The following ABCC5 variants were observed in gnomAD, a reference collection of about 807,000 sequenced individuals.
ABCC5 encodes the protein ATP binding cassette subfamily C member 5.
A neutral mutation model predicts 160.9 loss-of-function variants in ABCC5; 61 were observed. The observed-to-expected ratio is 0.38, with a 90% confidence interval of 0.31 to 0.47. The LOEUF (loss-of-function observed/expected upper bound fraction) is 0.47, where lower values mean the gene tolerates loss of function less well. Among genes scored for constraint, ABCC5 ranks in the 20% least tolerant of loss-of-function variants. ABCC5 has a pLI of 0.99. For missense variants in ABCC5, 1,308 were observed against 1,813.3 expected, an observed-to-expected ratio of 0.72 and a Z score of 5.06; for synonymous variants, 666 against 700.6, an observed-to-expected ratio of 0.95 and a Z score of 0.78.
chr3:183,924,211 C>T (rs1202068499), intron 29 of ABCC5, among the ~76,000 whole-genome samples: 1 of 151,872 alleles, frequency 6.6e-6, no homozygotes, highest in Admixed American at 6.6e-5. Context: ...GTAGAGACGG[C>T]GTTTCGTCAT....
At position 183,927,445 on chromosome 3, in the gene ABCC5, T is replaced by TA. The variant is rs1412977618; in HGVS notation, c.3934-3dup. The TA allele has an allele frequency of 6.2e-6, 10 of 1,610,540 alleles. No homozygotes were observed. Among genetic ancestry groups the TA allele is most frequent in the Admixed American group, 1.7e-5 (1 of 59,728 alleles). On this transcript the variant is annotated splice_polypyrimidine_tract_variant and splice_region_variant and intron_variant, in intron 27 of 29. Transcript: ENST00000334444. ...AAGTTTCAGAGGTAGCTGAGCAATC[T>TA]AGGGAGAAAGAAACTAGAGATCAGA...
intron 10 of ABCC5, among the ~76,000 whole-genome samples, chr3:183,977,242 G>A (rs1048834912): frequency 1.3e-5 from 2 of 152,244 alleles, no homozygotes; most frequent in Non-Finnish European, 2.9e-5. Flanking sequence ...AGGCCCAGGT[G>A]GAAGGGGCTA....
intron 27 of ABCC5, chr3:183,928,020 C>T (rs998817678): frequency 1.2e-5 from 2 of 160,232 alleles, no homozygotes; most frequent in Non-Finnish European, 2.7e-5. Flanking sequence ...TCGTGAGGGC[C>T]TGTGAGGGCC....
At chr3:183,984,497 T>G (rs1280931998) in intron 5 of ABCC5, 3 of 1,076,732 alleles carry the variant, frequency 2.8e-6, no homozygotes, top group African/African-American at 1.7e-5. Context: ...AAACCCAGAC[T>G]CTCTCTGGGT....
intron 22 of ABCC5, among the ~76,000 whole-genome samples, chr3:183,948,355 GT>G (rs555878221): frequency 1.7e-3 from 260 of 152,220 alleles, no homozygotes; most frequent in African/African-American, 6.1e-3. Flanking sequence ...CCTCCCAGCA[GT>G]TTTTTTCAAT....
At chr3:184,016,648 G>A (rs1722216934) in intron 1 of ABCC5, among the ~76,000 whole-genome samples, 1 of 152,166 alleles carries the variant, frequency 6.6e-6, no homozygotes, top group Non-Finnish European at 1.5e-5. Flanking sequence ...CAGCTATCAA[G>A]AGAGGAAGAA....
At chr3:183,940,169 T>G (rs981037435) in intron 25 of ABCC5, among the ~76,000 whole-genome samples, 20 of 151,970 alleles carry the variant, frequency 1.3e-4, no homozygotes, top group Admixed American at 1.2e-3. Context: ...GGAAACCTGG[T>G]CCGTCTAGCA....
chr3:183,979,901 A>C (rs1169321738), intron 8 of ABCC5, among the ~76,000 whole-genome samples: 1 of 145,524 alleles, frequency 6.9e-6, no homozygotes, highest in Non-Finnish European at 1.5e-5. Flanking sequence ...TTAAGACGGG[A>C]GTCTCACTCT....
Position 183,987,221 on chromosome 3 carries a change from G to A in ABCC5, c.591+549C>T, listed in dbSNP as rs1370676115. 5.1e-6 allele frequency: 1 copy of A among 194,410 alleles called. No individual in the cohort carries two copies. Among genetic ancestry groups the A allele is most frequent in the East Asian group, 1.3e-4 (1 of 7,622 alleles). The allele number at this position is 194,410 out of a possible 1,614,324, so 12.0% of individuals were successfully genotyped here. A position where few individuals can be genotyped will look rare whatever the true frequency, so the allele number is the denominator to read the frequency against. ...TCTACTCTGCATCAGTACAGACTGG[G>A]GAAAACCACGGCTGCCACCCCAACA... On this transcript the variant is annotated intron_variant, in intron 5 of 29. Transcript: ENST00000334444. This position sits in a 1 kb window ranked among gnomAD's most constrained non-coding sequence, Gnocchi z 4.2.
chr3:183,947,638 C>G, intron 22 of ABCC5, 128 bp from the exon 23 acceptor site: 1 of 755,836 alleles, frequency 1.3e-6, no homozygotes, highest in Non-Finnish European at 2.0e-6. Context: ...TGAGAGAATG[C>G]CCTGGAAACT....
chr3:184,000,662 C>T (rs1560049607), intron 2 of ABCC5: 1 of 152,204 alleles, frequency 6.6e-6, no homozygotes, highest in Non-Finnish European at 1.5e-5. Context: ...CATACACGGT[C>T]TGAACATTAA....
Position 183,961,659 on chromosome 3 carries a change from A to G in ABCC5, c.2236-5T>C, listed in dbSNP as rs373910439. On this transcript the variant is annotated splice_region_variant and splice_polypyrimidine_tract_variant and intron_variant, in intron 15 of 29. Coordinates refer to ENST00000334444, the MANE Select transcript of ABCC5 (RefSeq NM_005688.4). ...TTCATCACAGTCAACCAGGTACTGAAGGCAAAGGCAGAGACAACACAATAT... is the reference window on the plus strand; with the variant it reads ...TTCATCACAGTCAACCAGGTACTGAGGGCAAAGGCAGAGACAACACAATAT... 17 of 1,614,162 alleles carry G rather than the reference A, an allele frequency of 1.1e-5. No individual in the cohort carries two copies. In the African/African-American group the frequency reaches 2.1e-4, roughly 20 times the overall value.
chr3:183,989,426 C>T, intron 2 of ABCC5, 43 bp from the exon 3 acceptor site: 1 of 1,604,996 alleles, frequency 6.2e-7, no homozygotes, highest in South Asian at 1.1e-5. Flanking sequence ...ACAGTTAATA[C>T]ACAGGCGAGA....
chr3:183,942,697 GGATTCAAAGAAGGCTTTGCAC>G lies in ABCC5; in HGVS notation c.3694+9_3694+29del. The G allele has an allele frequency of 1.9e-6, 3 of 1,601,468 alleles. No homozygotes were observed. Among genetic ancestry groups the G allele is most frequent in the South Asian group, 2.2e-5 (2 of 90,350 alleles). On this transcript the variant is annotated intron_variant, in intron 25 of 29. Coordinates refer to ENST00000334444, the MANE Select transcript of ABCC5 (RefSeq NM_005688.4). Reference sequence around the variant, plus strand: ...ATTTCATAAACTGCTACGTTCCAATGGATTCAAAGAAGGCTTTGCACATCCTTACCTGATCCTGTCCGCCCC... The same window carrying G: ...ATTTCATAAACTGCTACGTTCCAATGATCCTTACCTGATCCTGTCCGCCCC...
Position 183,982,327 on chromosome 3 carries a change from GA to G in ABCC5, c.999+123del. The G allele has an allele frequency of 8.9e-7, 1 of 1,124,282 alleles. No homozygotes were observed. The highest frequency in any genetic ancestry group is 1.3e-6 in the Non-Finnish European group (1 of 799,052). 69.6% of individuals were successfully genotyped at this position (1,124,282 alleles called of 1,614,324 possible). A position where few individuals can be genotyped will look rare whatever the true frequency, so the allele number is the denominator to read the frequency against. Reference sequence around the variant, plus strand: ...AGCAAGCACTATCGAGCTCTAGATTGAACCTGCTTTGAGGAAATTTCCAATC... The same window carrying G: ...AGCAAGCACTATCGAGCTCTAGATTGACCTGCTTTGAGGAAATTTCCAATC... On this transcript the variant is annotated intron_variant, in intron 7 of 29. Transcript: ENST00000334444. This position sits in a 1 kb window ranked among gnomAD's most constrained non-coding sequence, Gnocchi z 5.2.
At chr3:183,984,643 T>C (rs1210252053) in intron 5 of ABCC5, 1 of 1,434,730 alleles carries the variant, frequency 7.0e-7, no homozygotes, top group Non-Finnish European at 9.1e-7. Flanking sequence ...CAAGAACTAC[T>C]GTATTCCACC....
At position 183,982,415 on chromosome 3, in the gene ABCC5, A is replaced by G; in HGVS notation, c.999+36T>C. On this transcript the variant is annotated intron_variant, in intron 7 of 29. Coordinates refer to ENST00000334444, the MANE Select transcript of ABCC5 (RefSeq NM_005688.4). This position sits in a 1 kb window ranked among gnomAD's most constrained non-coding sequence, Gnocchi z 5.2. ...AATGGAAGTAACTCATCTCCTAAGGAGAAGCTGCCAGGATTCAGCTGGGAG... is the reference window on the plus strand; with the variant it reads ...AATGGAAGTAACTCATCTCCTAAGGGGAAGCTGCCAGGATTCAGCTGGGAG... 6.2e-7 allele frequency: 1 copy of G among 1,602,498 alleles called. No homozygotes were observed. Among genetic ancestry groups the G allele is most frequent in the Non-Finnish European group, 8.5e-7 (1 of 1,173,668 alleles).
chr3:183,927,627 C>T lies in ABCC5; in HGVS notation c.3934-184G>A, dbSNP rs889085674. The T allele has an allele frequency of 8.2e-5, 81 of 985,266 alleles. 1 individual carries two copies. The South Asian group carries it at 3.5e-3, about 43-fold the overall frequency. The allele number at this position is 985,266 out of a possible 1,614,324, so 61.0% of individuals were successfully genotyped here. A position where few individuals can be genotyped will look rare whatever the true frequency, so the allele number is the denominator to read the frequency against. ...GCTAGGACCCACTTCCAAGGCAGTC[C>T]CTGATTCCAATAGACTATTCTGTTA... On this transcript the variant is annotated intron_variant, in intron 27 of 29. Transcript: ENST00000334444.
intron 15 of ABCC5, among the ~76,000 whole-genome samples, chr3:183,963,000 C>T (rs546593401): frequency 4.6e-5 from 7 of 152,350 alleles, no homozygotes; most frequent in East Asian, 1.9e-4. Flanking sequence ...CCTTGAGCTG[C>T]TCTCCAAAGT....
Sources: allele counts gnomAD v4.1 joint callset (sites outside exome capture counted in the v4.1 genomes callset), GRCh38; gene constraint gnomAD v4.1.1; non-coding constraint Gnocchi (gnomAD v3.1); transcripts MANE v1.5; gene names NCBI Gene and HGNC (gene_info 2026-07-23, HGNC 2026-07-21).